STK3: variants seen among roughly 807,000 people sequenced by gnomAD.
The protein encoded by STK3 is serine/threonine kinase 3, also known as serine/threonine-protein kinase 3.
In STK3, 41 loss-of-function variants were observed where a neutral mutation model predicts 58.0. That is an observed-to-expected ratio of 0.71 (90% CI 0.55 to 0.92). STK3 has a LOEUF of 0.92. STK3 is among the 40% of genes least tolerant of loss of function. The pLI is 0.00. For synonymous variants in STK3, 170 were observed against 191.0 expected (o/e 0.89, Z 0.91); for missense variants, 479 against 602.7 (o/e 0.79, Z 2.15).
chr8:98,413,648 C>T lies in STK3; in HGVS notation n.484-12135G>A, dbSNP rs879201367. 18 of 783,606 alleles carry T rather than the reference C, an allele frequency of 2.3e-5. No homozygotes were observed. In the Middle Eastern group the frequency reaches 1.1e-3, roughly 48 times the overall value. The allele number at this position is 783,606 out of a possible 1,614,324, so 48.5% of individuals were successfully genotyped here. On this transcript the variant is annotated intron_variant and non_coding_transcript_variant, in intron 3 of 3. Transcript: ENST00000517832. ...GGTCTGCCAGTTTCTCCTCACAAACCGTAGAAAAGCAGTTGAGGAACTCTA... is the reference window on the plus strand; with the variant it reads ...GGTCTGCCAGTTTCTCCTCACAAACTGTAGAAAAGCAGTTGAGGAACTCTA...
chr8:98,550,967 T>C (rs953485430), intron 8 of STK3, among the ~76,000 whole-genome samples: 3 of 152,202 alleles, frequency 2.0e-5, no homozygotes, highest in African/African-American at 2.4e-5. Context: ...TAAACATTTC[T>C]GCCTAAATTT....
At chr8:98,345,709 C>T in the STK3 span, among the ~76,000 whole-genome samples, 3 of 151,954 alleles carry the variant, frequency 2.0e-5, no homozygotes, top group Non-Finnish European at 4.4e-5. Context: ...AGAAACCATC[C>T]CCAGACTGAC....
At chr8:98,511,870 G>T (rs1192716045) in intron 10 of STK3, among the ~76,000 whole-genome samples, 4 of 151,976 alleles carry the variant, frequency 2.6e-5, no homozygotes, top group Non-Finnish European at 4.4e-5. Flanking sequence ...TAAGTTAGAG[G>T]TTATGTATTA....
At chr8:98,587,697 G>A (rs1814779236) in intron 7 of STK3, among the ~76,000 whole-genome samples, 1 of 152,028 alleles carries the variant, frequency 6.6e-6, no homozygotes, top group Non-Finnish European at 1.5e-5. Flanking sequence ...TGACAGTGGG[G>A]TGTTAAAGTC....
chr8:98,636,291 T>C (rs1819613898), intron 6 of STK3, among the ~76,000 whole-genome samples: 1 of 152,166 alleles, frequency 6.6e-6, no homozygotes, highest in Admixed American at 6.5e-5. Flanking sequence ...ACTGCAATTA[T>C]ACTATATAAG....
At chr8:98,432,759 A>T (rs952906352) in intron 3 of STK3, 1 of 167,040 alleles carries the variant, frequency 6.0e-6, no homozygotes, top group Non-Finnish European at 1.5e-5. Flanking sequence ...ACAGAGCTGT[A>T]ATTTTTAAAA....
chr8:98,553,535 C>T (rs1205528701), intron 8 of STK3: 1 of 152,068 alleles, frequency 6.6e-6, no homozygotes, highest in Non-Finnish European at 1.5e-5. Context: ...TATTATAAAA[C>T]ATAGAATAGC....
chr8:98,553,368 A>G (rs528943443), intron 8 of STK3: 1 of 152,174 alleles, frequency 6.6e-6, no homozygotes, highest in Non-Finnish European at 1.5e-5. Context: ...CTATAAGGGC[A>G]GTAACCACAT....
At chr8:98,450,082 C>T (rs1184991093), downstream of STK3, among the ~76,000 whole-genome samples, 2 of 152,180 alleles carry the variant, frequency 1.3e-5, no homozygotes, top group African/African-American at 4.8e-5. Context: ...ATTATAGCAA[C>T]ACAAAATGGA....
chr8:98,526,798 A>G lies in STK3; in HGVS notation c.1261T>C (p.Ser421Pro). The change falls in exon 10 of 11, where the codon TCC becomes CCC. Residue 421 changes from serine (S) to proline (P), a missense_variant. Around this residue, in one of 3 missense-constraint regions of STK3, gnomAD observed 309 missense variants for 355.7 expected, o/e 0.87. Transcript: ENST00000419617. ...CAGTTATCAGGAAAAACGTTTTTGG[A>G]CATAGGGAAGGGTTCATGCATGTTC... ...NQNMHEPFPM[S>P]KNVFPDNWKV... The G allele has an allele frequency of 6.3e-7, 1 of 1,588,618 alleles. No homozygotes were observed. The highest frequency in any genetic ancestry group is 1.2e-5 in the South Asian group (1 of 86,258).
At chr8:98,433,215 T>G (rs1480622831) in intron 3 of STK3, among the ~76,000 whole-genome samples, 1 of 152,176 alleles carries the variant, frequency 6.6e-6, no homozygotes, top group Non-Finnish European at 1.5e-5. Context: ...GTAACTCTTG[T>G]GAAACAGACA....
chr8:98,634,522 C>T (rs1019346894), intron 6 of STK3, among the ~76,000 whole-genome samples: 1 of 151,670 alleles, frequency 6.6e-6, no homozygotes, highest in South Asian at 2.1e-4. Flanking sequence ...AAAATAAAGG[C>T]GGAAGATTGG....
chr8:98,896,296 G>A (rs1487435308), intron 1 of STK3, among the ~76,000 whole-genome samples: 1 of 152,162 alleles, frequency 6.6e-6, no homozygotes, highest in African/African-American at 2.4e-5. Flanking sequence ...TTAAAGCAGT[G>A]ATTTTCAAGC....
Position 98,800,708 on chromosome 8 carries a change from G to A in STK3, c.26+24807C>T, listed in dbSNP as rs1186743256. On this transcript the variant is annotated intron_variant, in intron 1 of 10. Transcript: ENST00000419617. This position sits in a 1 kb window ranked among gnomAD's most constrained non-coding sequence, Gnocchi z 4.8. ...TGGCCAGCTGATGCCGCCAGCCCTG[G>A]GCAGTGAAGGGCTTAGCACCCGGGC... 6.6e-6 allele frequency among the ~76,000 whole-genome samples: 1 copy of A among 152,176 alleles called. No individual in the cohort carries two copies. The highest frequency in any genetic ancestry group is 2.4e-5 in the African/African-American group (1 of 41,448).
chr8:98,819,548 G>A (rs1377873638), intron 1 of STK3, among the ~76,000 whole-genome samples: 1 of 152,178 alleles, frequency 6.6e-6, no homozygotes. Context: ...GACAGCAGAT[G>A]CTTTAGGGAC....
intron 6 of STK3, among the ~76,000 whole-genome samples, chr8:98,701,621 CAA>C (rs919525897): frequency 3.8e-5 from 5 of 131,746 alleles, no homozygotes; most frequent in African/African-American, 6.3e-5. Context: ...GACTTTGTCT[CAA>C]AAAAAAATAT....
chr8:98,348,769 G>C, the STK3 span, among the ~76,000 whole-genome samples: 2 of 152,210 alleles, frequency 1.3e-5, no homozygotes, highest in Non-Finnish European at 2.9e-5. Context: ...ATGCTGACAA[G>C]GATGTGGAGC....
In STK3 at chr8:98,377,326, G is replaced by A. The variant is rs114810810; in HGVS notation, n.111+1827C>T. On this transcript the variant is annotated intron_variant and non_coding_transcript_variant, in intron 2 of 2. Coordinates refer to the STK3 transcript ENST00000518704. ...TTTTATATTTGAATTTCACTTCTTCGGCAGAATTTAAATTTTATGTAATTT... is the reference window on the plus strand; with the variant it reads ...TTTTATATTTGAATTTCACTTCTTCAGCAGAATTTAAATTTTATGTAATTT... 9.4e-3 allele frequency among the ~76,000 whole-genome samples: 1,422 copies of A among 151,782 alleles called. 24 individuals carry two copies. Among genetic ancestry groups the A allele is most frequent in the African/African-American group, 0.032 (1,329 of 41,368 alleles).
At chr8:98,442,517 A>C (rs376012434) in intron 1 of STK3, among the ~76,000 whole-genome samples, 1 of 152,276 alleles carries the variant, frequency 6.6e-6, no homozygotes, top group Non-Finnish European at 1.5e-5. Flanking sequence ...TTATGGTTTT[A>C]GGGAAAGTGT....
Sources: allele counts gnomAD v4.1 joint callset (sites outside exome capture counted in the v4.1 genomes callset), GRCh38; gene constraint gnomAD v4.1.1; regional missense constraint gnomAD v4.1.1; non-coding constraint Gnocchi (gnomAD v3.1); transcripts MANE v1.5; gene names NCBI Gene and HGNC (gene_info 2026-07-23, HGNC 2026-07-21).